The following SV2C variants were observed in gnomAD, a reference collection of about 807,000 sequenced individuals.
The protein encoded by SV2C is synaptic vesicle glycoprotein 2C, also known as solute carrier family 22 member B3.
SV2C carries 49 observed loss-of-function variants against 79.7 expected under a neutral mutation model. That is an observed-to-expected ratio of 0.61 (90% CI 0.49 to 0.78). The LOEUF (loss-of-function observed/expected upper bound fraction) is 0.78, where lower values mean the gene tolerates loss of function less well. Ranked by LOEUF, SV2C falls within the 30% of genes least tolerant of loss-of-function variation. The pLI is 0.00. For missense variants in SV2C, 833 were observed against 912.9 expected, an observed-to-expected ratio of 0.91 and a Z score of 1.13; for synonymous variants, 334 against 333.2, an observed-to-expected ratio of 1.00 and a Z score of -0.03.
intron 4 of SV2C, among the ~76,000 whole-genome samples, chr5:76,254,257 T>TATATATAG (rs1053047235): frequency 2.7e-5 from 4 of 149,304 alleles, no homozygotes; most frequent in African/African-American, 9.9e-5. Flanking sequence ...TATATATATA[T>TATATATAG]AGAGAGAGAG....
chr5:76,265,149 C>T (rs1746611778), intron 4 of SV2C, among the ~76,000 whole-genome samples: 1 of 152,204 alleles, frequency 6.6e-6, no homozygotes, highest in Admixed American at 6.5e-5. Flanking sequence ...AGATGCCCTG[C>T]CCAGAGAAGA....
chr5:76,290,966 C>T (rs1448725982), intron 6 of SV2C, among the ~76,000 whole-genome samples: 2 of 152,178 alleles, frequency 1.3e-5, no homozygotes, highest in Non-Finnish European at 2.9e-5. Flanking sequence ...TTTGGTTTCA[C>T]ATTATTCTAT....
At chr5:75,977,219 G>T in the SV2C span, among the ~76,000 whole-genome samples, 3 of 152,260 alleles carry the variant, frequency 2.0e-5, no homozygotes, top group South Asian at 2.1e-4. Flanking sequence ...CCTTGTGTTA[G>T]ATACCTGTAG....
chr5:75,980,000 A>G, the SV2C span, among the ~76,000 whole-genome samples: 3 of 152,214 alleles, frequency 2.0e-5, no homozygotes, highest in Non-Finnish European at 4.4e-5. Context: ...GAAAAGACAG[A>G]AGACGCAAAT....
At chr5:76,278,939 AG>A (rs1396447389) in intron 4 of SV2C, among the ~76,000 whole-genome samples, 1 of 152,242 alleles carries the variant, frequency 6.6e-6, no homozygotes, top group Non-Finnish European at 1.5e-5. Context: ...GCTAAAGGTC[AG>A]GGGAAGGTCC....
intron 12 of SV2C, among the ~76,000 whole-genome samples, chr5:76,303,922 G>C (rs568414316): frequency 3.8e-4 from 58 of 152,154 alleles, no homozygotes; most frequent in Non-Finnish European, 6.5e-4. Flanking sequence ...GGAGGAAGGA[G>C]TATTTGGGTG....
At chr5:75,892,925 T>C in the SV2C span, among the ~76,000 whole-genome samples, 4 of 152,146 alleles carry the variant, frequency 2.6e-5, no homozygotes, top group Non-Finnish European at 4.4e-5. Flanking sequence ...TCTATTTTTC[T>C]TTGGGTATAT....
intron 12 of SV2C, among the ~76,000 whole-genome samples, chr5:76,345,914 G>A (rs960002339): frequency 6.6e-6 from 1 of 152,148 alleles, no homozygotes; most frequent in Non-Finnish European, 1.5e-5. Context: ...CTGCCTCTCT[G>A]TGTAGAAAGC....
At chr5:75,954,649 T>C in the SV2C span, among the ~76,000 whole-genome samples, 18 of 149,902 alleles carry the variant, frequency 1.2e-4, no homozygotes, top group Middle Eastern at 3.4e-3. Context: ...AAAACCCCAT[T>C]GTCTCAGCCC....
chr5:76,325,527 C>G lies in SV2C; in HGVS notation c.2164C>G (p.Arg722Gly). The change falls in exon 13 of 13, where the codon CGA (arginine) becomes GGA (glycine). Residue 722 changes from arginine to glycine, a missense_variant. Arg to Gly is a moderately radical substitution (Grantham distance 125). Coordinates refer to ENST00000502798, the MANE Select transcript of SV2C (RefSeq NM_014979.4). ...GLVGLCLPDT[R>G]TQVLM ...CGTTGGGCTGTGCCTGCCTGACACA[C>G]GAACCCAGGTTCTGATGTAATGGGA... 6.2e-7 allele frequency: 1 copy of G among 1,614,038 alleles called. No homozygotes were observed. Among genetic ancestry groups the G allele is most frequent in the Non-Finnish European group, 8.5e-7 (1 of 1,179,998 alleles).
chr5:75,973,172 G>A, the SV2C span, among the ~76,000 whole-genome samples: 1 of 151,768 alleles, frequency 6.6e-6, no homozygotes, highest in Non-Finnish European at 1.5e-5. Context: ...ACCGGGGACG[G>A]TTGTGGGGTG....
chr5:76,062,395 C>T, the SV2C span, among the ~76,000 whole-genome samples: 1 of 152,196 alleles, frequency 6.6e-6, no homozygotes, highest in South Asian at 2.1e-4. Context: ...GTTCCTCCCT[C>T]CAGAGGATGC....
intron 12 of SV2C, among the ~76,000 whole-genome samples, chr5:76,317,903 A>G (rs538073864): frequency 4.7e-4 from 72 of 152,254 alleles, no homozygotes; most frequent in African/African-American, 1.7e-3. Context: ...CAGTGTTTAA[A>G]CAATGGCTAA....
At chr5:75,960,381 G>T in the SV2C span, among the ~76,000 whole-genome samples, 1 of 151,950 alleles carries the variant, frequency 6.6e-6, no homozygotes, top group African/African-American at 2.4e-5. Context: ...GGTCTCATAA[G>T]ATTATAATGG....
At chr5:75,988,122 T>C in the SV2C span, among the ~76,000 whole-genome samples, 3 of 152,150 alleles carry the variant, frequency 2.0e-5, no homozygotes, top group East Asian at 3.9e-4. Context: ...CATGTATGTG[T>C]GCACACACAC....
At chr5:75,933,397 T>C in the SV2C span, among the ~76,000 whole-genome samples, 1 of 152,218 alleles carries the variant, frequency 6.6e-6, no homozygotes, top group African/African-American at 2.4e-5. Context: ...GTATCAATTA[T>C]ATCCTCATCA....
chr5:76,242,198 G>A (rs560457099), intron 4 of SV2C: 6 of 979,004 alleles, frequency 6.1e-6, no homozygotes, highest in Middle Eastern at 2.1e-4. Flanking sequence ...CTTTGGAGGA[G>A]CAGGTTTAGC....
chr5:75,940,409 G>A, the SV2C span, among the ~76,000 whole-genome samples: 73 of 151,854 alleles, frequency 4.8e-4, no homozygotes, highest in Non-Finnish European at 8.8e-4. Context: ...AAAAAGAATT[G>A]AAGTGATAAT....
chr5:75,905,509 A>G, the SV2C span, among the ~76,000 whole-genome samples: 3 of 152,342 alleles, frequency 2.0e-5, no homozygotes, highest in East Asian at 5.8e-4. Flanking sequence ...TTCCAAATGG[A>G]AATTCAGATG....
Sources: gnomAD v4.1 joint callset for allele counts (sites outside exome capture counted in the v4.1 genomes callset) on GRCh38, gnomAD v4.1.1 for gene constraint, MANE v1.5 for transcripts, NCBI Gene and HGNC (gene_info 2026-07-23, HGNC 2026-07-21) for gene names.